SVOP: variants seen among roughly 807,000 people sequenced by gnomAD.
SVOP encodes the protein synaptic vesicle 2-related protein.
SVOP carries 17 observed loss-of-function variants against 69.1 expected under a neutral mutation model. The ratio of observed to expected loss-of-function variants is 0.25; its 90% CI spans 0.17 to 0.37. SVOP has a LOEUF of 0.37. SVOP is among the 10% of genes least tolerant of loss of function. The pLI is 1.00. For missense variants in SVOP, 435 were observed against 597.5 expected, an observed-to-expected ratio of 0.73 and a Z score of 2.84; for synonymous variants, 238 against 238.6, an observed-to-expected ratio of 1.00 and a Z score of 0.02.
Position 108,921,204 on chromosome 12 carries a change from T to G in SVOP, c.1157-1418A>C, listed in dbSNP as rs111489625. Among the ~76,000 whole-genome samples the G allele has an allele frequency of 1.4e-4, 22 of 152,282 alleles. 1 individual carries two copies. The highest frequency in any genetic ancestry group is 5.3e-4 in the African/African-American group (22 of 41,554). ...AGAAATGGAGATTGCAAATGCTGAGTTTAACTTCTAGCCTTCATTCTTACC... is the reference window on the plus strand; with the variant it reads ...AGAAATGGAGATTGCAAATGCTGAGGTTAACTTCTAGCCTTCATTCTTACC... On this transcript the variant is annotated intron_variant, in intron 12 of 15. Coordinates refer to ENST00000610966, the MANE Select transcript of SVOP (RefSeq NM_018711.5).
chr12:109,014,750 C>T (rs888230927), intron 1 of SVOP, among the ~76,000 whole-genome samples: 1 of 152,140 alleles, frequency 6.6e-6, no homozygotes, highest in Non-Finnish European at 1.5e-5. Flanking sequence ...GAGACAGGGT[C>T]TCATTCTATC....
At chr12:108,968,801 AT>A (rs986538970) in intron 5 of SVOP, among the ~76,000 whole-genome samples, 9 of 149,930 alleles carry the variant, frequency 6.0e-5, no homozygotes, top group East Asian at 3.9e-4. Flanking sequence ...AAATAAATGA[AT>A]TTTTTTTTCC....
At chr12:108,991,820 C>A (rs1383107961) in intron 1 of SVOP, among the ~76,000 whole-genome samples, 3 of 151,408 alleles carry the variant, frequency 2.0e-5, no homozygotes, top group African/African-American at 7.3e-5. Context: ...GTAGCACATA[C>A]TTGTGGTCTT....
intron 4 of SVOP, among the ~76,000 whole-genome samples, chr12:108,975,849 C>T (rs1038210487): frequency 9.9e-5 from 15 of 152,100 alleles, no homozygotes; most frequent in East Asian, 9.7e-4. Flanking sequence ...TTACAGGACG[C>T]GCCACCATGC....
rs552604165 is a variant in SVOP, at chr12:108,912,486, C to T, written c.*49G>A. 4 of 1,606,270 alleles carry T rather than the reference C, an allele frequency of 2.5e-6. No homozygotes were observed. The highest frequency in any genetic ancestry group is 3.4e-6 in the Non-Finnish European group (4 of 1,173,992). On this transcript the variant is annotated 3_prime_UTR_variant, in exon 16 of 16. Transcript: ENST00000610966. ...CAGTGCCCCAGTTGGGGCCTGCCAG[C>T]CCCCCAAGCTCTGCAGCCTCAAAGA...
In SVOP at chr12:108,909,199, G is replaced by C. The variant is rs1017605168; in HGVS notation, c.*3336C>G. 1 of 152,144 alleles carries C rather than the reference G, an allele frequency of 6.6e-6. No individual in the cohort carries two copies. The highest frequency in any genetic ancestry group is 1.5e-5 in the Non-Finnish European group (1 of 68,032). The allele number at this position is 152,144 out of a possible 1,614,324, so 9.4% of individuals were successfully genotyped here. The stretch of plus-strand genomic sequence containing the variant: ...TTGAACCTTCTCTGATCTCTGCCTG[G>C]TTTTGGTTCTAATGGTTTAAGCCAC... On this transcript the variant is annotated 3_prime_UTR_variant, in exon 16 of 16. Transcript: ENST00000610966.
At position 108,910,783 on chromosome 12, in the gene SVOP, A is replaced by T. The variant is rs1004170978; in HGVS notation, c.*1752T>A. 44 of 152,240 alleles carry T rather than the reference A, an allele frequency of 2.9e-4. No homozygotes were observed. Among genetic ancestry groups the T allele is most frequent in the African/African-American group, 1.0e-3 (43 of 41,460 alleles). The allele number at this position is 152,240 out of a possible 1,614,324, so 9.4% of individuals were successfully genotyped here. Reference sequence around the variant, plus strand: ...CACTCATTGGAAAGGAGATTATCACACTAAAGCATTGAGATGAATTCCGAT... The same window carrying T: ...CACTCATTGGAAAGGAGATTATCACTCTAAAGCATTGAGATGAATTCCGAT... On this transcript the variant is annotated 3_prime_UTR_variant, in exon 16 of 16. Coordinates refer to ENST00000610966, the MANE Select transcript of SVOP (RefSeq NM_018711.5).
At chr12:108,981,557 A>T (rs2040135398) in intron 2 of SVOP, among the ~76,000 whole-genome samples, 2 of 152,210 alleles carry the variant, frequency 1.3e-5, no homozygotes, top group African/African-American at 4.8e-5. Flanking sequence ...GTGGGTAAGA[A>T]TGTGGGCTCT....
chr12:108,983,420 T>C (rs2040152730), intron 2 of SVOP, among the ~76,000 whole-genome samples, 181 bp downstream of exon 2: 1 of 152,232 alleles, frequency 6.6e-6, no homozygotes, highest in Admixed American at 6.5e-5. Context: ...CTGGCAGGGA[T>C]TGTGATGTAA....
rs114740125 is a variant in SVOP at position 109,020,666 on chromosome 12, G to T, written c.35+168C>A. On this transcript the variant is annotated intron_variant, in intron 1 of 15. Transcript: ENST00000610966. ...TCAGAGATACAGAGGCTGGGCTGCT[G>T]GGGAAAGAAAATGGCTTGTCTCCTC... Among the ~76,000 whole-genome samples, 789 of 151,958 alleles carry T rather than the reference G, an allele frequency of 5.2e-3. 6 individuals carry two copies. The highest frequency in any genetic ancestry group is 0.017 in the African/African-American group (717 of 41,440).
At chr12:108,932,125 G>A (rs2039823911) in intron 11 of SVOP, among the ~76,000 whole-genome samples, 1 of 151,994 alleles carries the variant, frequency 6.6e-6, no homozygotes, top group African/African-American at 2.4e-5. Flanking sequence ...CAGCCCTTCT[G>A]CCTCAGCCTC....
intron 11 of SVOP, among the ~76,000 whole-genome samples, chr12:108,927,977 C>T (rs1219311942): frequency 6.6e-6 from 1 of 151,058 alleles, no homozygotes; most frequent in East Asian, 1.9e-4. Context: ...GCTATATTGG[C>T]TCACTGCAAC....
chr12:108,978,467 C>A, intron 3 of SVOP, 111 bp downstream of exon 3: 1 of 581,948 alleles, frequency 1.7e-6, no homozygotes. Context: ...GAAATTCAAG[C>A]AAAGGCTCCA....
intron 8 of SVOP, among the ~76,000 whole-genome samples, chr12:108,940,424 T>C (rs139365405): frequency 1.3e-5 from 2 of 152,350 alleles, no homozygotes; most frequent in Non-Finnish European, 2.9e-5. Context: ...CTCTGAAATG[T>C]ATTTATCCCT....
intron 1 of SVOP, among the ~76,000 whole-genome samples, chr12:109,018,070 G>T (rs1187828363): frequency 2.7e-5 from 4 of 150,456 alleles, no homozygotes; most frequent in Admixed American, 1.3e-4. Flanking sequence ...TTGTACCTAG[G>T]ATGGTATCTA....
chr12:108,928,823 C>T (rs1418255086), intron 11 of SVOP, among the ~76,000 whole-genome samples: 1 of 152,148 alleles, frequency 6.6e-6, no homozygotes, highest in Non-Finnish European at 1.5e-5. Context: ...CCGCGTCAGC[C>T]TCTCAGAGTG....
rs146977105 is a variant in SVOP, at chr12:108,969,515, T to C, written c.453+2890A>G. On this transcript the variant is annotated intron_variant, in intron 5 of 15. Transcript: ENST00000610966. ...GCTAATTTTGTATTTTCAGTAGAGA[T>C]GGGGTTTCACCATGTTGGTCAGGCT... is the stretch of plus-strand genomic sequence containing the variant. Among the ~76,000 whole-genome samples the C allele has an allele frequency of 4.4e-4, 67 of 151,964 alleles. 2 individuals are homozygous for C. In the East Asian group the frequency reaches 7.2e-3, roughly 16 times the overall value.
At chr12:109,020,478 T>C (rs1050665732) in intron 1 of SVOP, among the ~76,000 whole-genome samples, 1 of 152,212 alleles carries the variant, frequency 6.6e-6, no homozygotes, top group Admixed American at 6.5e-5. Context: ...ACCGATGTCA[T>C]TGCATAGACT....
chr12:109,016,883 C>T (rs1455367210), intron 1 of SVOP, among the ~76,000 whole-genome samples: 1 of 151,884 alleles, frequency 6.6e-6, no homozygotes, highest in Admixed American at 6.6e-5. Flanking sequence ...GTTGGGGCCA[C>T]AGGCATGAGC....
Sources: allele counts gnomAD v4.1 joint callset (sites outside exome capture counted in the v4.1 genomes callset), GRCh38; gene constraint gnomAD v4.1.1; transcripts MANE v1.5; gene names NCBI Gene and HGNC (gene_info 2026-07-23, HGNC 2026-07-21).